MPPED2: variants seen among roughly 807,000 people sequenced by gnomAD.
The protein encoded by MPPED2 is metallophosphoesterase domain containing 2.
In MPPED2, 5 loss-of-function variants were observed where a neutral mutation model predicts 33.0. The ratio of observed to expected loss-of-function variants is 0.15; its 90% CI spans 0.08 to 0.32. The LOEUF (loss-of-function observed/expected upper bound fraction) is 0.32. Among genes scored for constraint, MPPED2 ranks in the 10% least tolerant of loss-of-function variants. MPPED2 has a pLI of 1.00. For synonymous variants in MPPED2, 136 were observed against 141.9 expected (o/e 0.96, Z 0.29); for missense variants, 275 against 372.1 (o/e 0.74, Z 2.15).
chr11:30,487,224 T>G (rs1951780995), intron 4 of MPPED2, among the ~76,000 whole-genome samples: 1 of 152,202 alleles, frequency 6.6e-6, no homozygotes, highest in Admixed American at 6.5e-5. Context: ...CAGCCAGCCA[T>G]GTCCCAAAGT....
rs759480412 is a variant in MPPED2, at chr11:30,495,337, C to T, written c.495G>A (p.Ser165=). The T allele has an allele frequency of 1.1e-5, 18 of 1,613,958 alleles. No individual in the cohort carries two copies. In the East Asian group the frequency reaches 2.9e-4, roughly 26 times the overall value. The change falls in exon 4 of 7, where the codon TCG becomes TCA. Residue 165 remains serine, a synonymous_variant. Coordinates refer to ENST00000358117, the MANE Select transcript of MPPED2 (RefSeq NM_001584.3). Reference sequence around the variant, plus strand: ...TCCTGAATCCCTTCACTGTTACCTCCGAATCTTGTAAGTAAATACTGTTTG... The same window carrying T: ...TCCTGAATCCCTTCACTGTTACCTCTGAATCTTGTAAGTAAATACTGTTTG... ...LLTNSIYLQD[S]EVTVKGFRIY... is the part of the protein sequence containing the mutation.
At chr11:30,504,669 T>A in intron 3 of MPPED2, 1 of 783,656 alleles carries the variant, frequency 1.3e-6, no homozygotes. Flanking sequence ...GTCTCTGACC[T>A]CAGTCTGTCC....
intron 4 of MPPED2, among the ~76,000 whole-genome samples, chr11:30,446,811 C>T (rs533495679): frequency 2.6e-5 from 4 of 152,150 alleles, no homozygotes; most frequent in African/African-American, 9.7e-5. Context: ...GGAGCCCCCC[C>T]CGACGCCAAG....
At chr11:30,453,426 C>T (rs527406574) in intron 4 of MPPED2, among the ~76,000 whole-genome samples, 13 of 152,258 alleles carry the variant, frequency 8.5e-5, no homozygotes, top group African/African-American at 1.9e-4. Flanking sequence ...AAAATGAAGA[C>T]GGAGACCACT....
At chr11:30,548,492 T>C (rs1955544425) in intron 2 of MPPED2, among the ~76,000 whole-genome samples, 1 of 152,208 alleles carries the variant, frequency 6.6e-6, no homozygotes, top group Non-Finnish European at 1.5e-5. Context: ...AGCACTGGGA[T>C]TACAGGTGTT....
At chr11:30,457,123 AG>A (rs1950311161) in intron 4 of MPPED2, among the ~76,000 whole-genome samples, 1 of 152,190 alleles carries the variant, frequency 6.6e-6, no homozygotes, top group African/African-American at 2.4e-5. Context: ...CTGGGGAAAA[AG>A]CTTATCAGCA....
In MPPED2 at chr11:30,460,736, G is replaced by A. The variant is rs149999849; in HGVS notation, c.536+34560C>T. 3.0e-4 allele frequency among the ~76,000 whole-genome samples: 45 copies of A among 152,256 alleles called. 1 individual carries two copies. Among genetic ancestry groups the A allele is most frequent in the African/African-American group, 1.0e-3 (43 of 41,562 alleles). On this transcript the variant is annotated intron_variant, in intron 4 of 6. Transcript: ENST00000358117. ...ATATTGTTGAGAGTAGGGTGTGATG[G>A]GAATTATGTCTGCTAAAAAGTAGCT...
At chr11:30,552,261 T>A (rs1241677172) in intron 2 of MPPED2, among the ~76,000 whole-genome samples, 5 of 152,226 alleles carry the variant, frequency 3.3e-5, no homozygotes, top group African/African-American at 1.2e-4. Flanking sequence ...GAAGCCAGAA[T>A]GGCAAGGGAC....
At position 30,495,338 on chromosome 11, in the gene MPPED2, G is replaced by A. The variant is rs144495334; in HGVS notation, c.494C>T (p.Ser165Leu). 489 of 1,613,986 alleles carry A rather than the reference G, an allele frequency of 3.0e-4. 3 individuals carry two copies. In the Admixed American group the frequency reaches 5.2e-3, roughly 17 times the overall value. ...LLTNSIYLQD[S>L]EVTVKGFRIY... ...CCTGAATCCCTTCACTGTTACCTCCGAATCTTGTAAGTAAATACTGTTTGT... is the reference window on the plus strand; with the variant it reads ...CCTGAATCCCTTCACTGTTACCTCCAAATCTTGTAAGTAAATACTGTTTGT... Residue 165 changes from serine (S) to leucine (L), a missense_variant, in exon 4 of 7, where the codon TCG (serine) becomes TTG (leucine). By Grantham distance (145) the Ser-to-Leu change is moderately radical. Coordinates refer to ENST00000358117, the MANE Select transcript of MPPED2 (RefSeq NM_001584.3).
At chr11:30,449,961 T>C (rs12225492) in intron 4 of MPPED2, among the ~76,000 whole-genome samples, 32,742 of 152,132 alleles carry the variant, frequency 0.22, 5,371 homozygotes, top group African/African-American at 0.47. Flanking sequence ...TTTACTGCCA[T>C]TTGTTCAATG....
At chr11:30,463,250 G>T (rs1950578915) in intron 4 of MPPED2, among the ~76,000 whole-genome samples, 1 of 152,206 alleles carries the variant, frequency 6.6e-6, no homozygotes, top group African/African-American at 2.4e-5. Context: ...TTGTAATTGT[G>T]TAAAGAAAAT....
At chr11:30,574,190 A>T (rs981362463) in intron 2 of MPPED2, among the ~76,000 whole-genome samples, 2 of 152,194 alleles carry the variant, frequency 1.3e-5, no homozygotes, top group Admixed American at 6.5e-5. Flanking sequence ...CCAGTCCTAT[A>T]TGCCCCATTC....
intron 2 of MPPED2, among the ~76,000 whole-genome samples, chr11:30,579,496 A>C (rs909333113): frequency 3.9e-5 from 6 of 152,214 alleles, no homozygotes; most frequent in Non-Finnish European, 2.9e-5. Flanking sequence ...AGCCCAGCAC[A>C]TCCTGTAGCA....
intron 4 of MPPED2, among the ~76,000 whole-genome samples, chr11:30,483,376 T>G (rs1951579009): frequency 6.6e-6 from 1 of 152,192 alleles, no homozygotes; most frequent in African/African-American, 2.4e-5. Flanking sequence ...AGTGCTTTCT[T>G]ATTATTATTT....
chr11:30,438,571 G>A (rs182270280), intron 4 of MPPED2, among the ~76,000 whole-genome samples: 4 of 152,286 alleles, frequency 2.6e-5, no homozygotes, highest in East Asian at 3.9e-4. Flanking sequence ...AAAAATAGGC[G>A]GGGCCAGGGG....
At chr11:30,582,904 C>T (rs1957232217) in intron 1 of MPPED2, among the ~76,000 whole-genome samples, 1 of 152,156 alleles carries the variant, frequency 6.6e-6, no homozygotes, top group Admixed American at 6.5e-5. Context: ...GCCATGTTCC[C>T]TTTCAAATGT....
At chr11:30,426,918 G>T (rs990644264) in intron 4 of MPPED2, among the ~76,000 whole-genome samples, 1 of 152,022 alleles carries the variant, frequency 6.6e-6, no homozygotes, top group East Asian at 1.9e-4. Context: ...CTGAAACCAG[G>T]ACCACAACAC....
At chr11:30,486,811 A>G (rs1238611169) in intron 4 of MPPED2, among the ~76,000 whole-genome samples, 2 of 152,222 alleles carry the variant, frequency 1.3e-5, no homozygotes, top group Non-Finnish European at 2.9e-5. Flanking sequence ...ATTAAAGCCC[A>G]TGGACATCAT....
At chr11:30,398,638 T>G (rs1025149566) in intron 6 of MPPED2, among the ~76,000 whole-genome samples, 1 of 152,220 alleles carries the variant, frequency 6.6e-6, no homozygotes, top group African/African-American at 2.4e-5. Context: ...GTCTGTATCC[T>G]GTAACAAACC....
Sources: allele counts gnomAD v4.1 joint callset (sites outside exome capture counted in the v4.1 genomes callset), GRCh38; gene constraint gnomAD v4.1.1; transcripts MANE v1.5; gene names NCBI Gene and HGNC (gene_info 2026-07-23, HGNC 2026-07-21).